AMMECR1: variants seen among roughly 807,000 people sequenced by gnomAD.
AMMECR1 encodes AMMECR nuclear protein 1.
In AMMECR1, 3 loss-of-function variants were observed where a neutral mutation model predicts 22.5. That is an observed-to-expected ratio of 0.13 (90% CI 0.06 to 0.35). The LOEUF is 0.35. Among genes scored for constraint, AMMECR1 ranks in the 10% least tolerant of loss-of-function variants. The pLI is 1.00. For synonymous variants in AMMECR1, 130 were observed against 116.7 expected (o/e 1.11, Z -0.74); for missense variants, 235 against 278.7 (o/e 0.84, Z 1.12).
intron 2 of AMMECR1, among the ~76,000 whole-genome samples, chrX:110,243,067 G>A (rs185685704): frequency 1.3e-3 from 141 of 112,256 alleles, no homozygotes; most frequent in African/African-American, 4.1e-3. Context: ...TGTACCAAAG[G>A]AACCATCTAA....
upstream of AMMECR1, among the ~76,000 whole-genome samples, chrX:110,323,084 T>C (rs1037428015): frequency 1.2e-4 from 13 of 112,155 alleles, no homozygotes; most frequent in African/African-American, 2.9e-4. Flanking sequence ...ATTTCTTTCA[T>C]GCCACTTGAC....
chrX:110,233,048 C>T, intron 2 of AMMECR1, among the ~76,000 whole-genome samples: 1 of 109,570 alleles, frequency 9.1e-6, no homozygotes, highest in Non-Finnish European at 1.9e-5. Flanking sequence ...AATCCAGGAG[C>T]TAGTTTTGTG....
At chrX:110,322,307 CAG>C (rs967897208), upstream of AMMECR1, among the ~76,000 whole-genome samples, 16 of 112,045 alleles carry the variant, frequency 1.4e-4, no homozygotes, top group African/African-American at 4.2e-4. Flanking sequence ...GATGATCAAA[CAG>C]AGTGTTATTT....
At chrX:110,286,528 C>G (rs981889764) in intron 1 of AMMECR1, among the ~76,000 whole-genome samples, 19 of 108,382 alleles carry the variant, frequency 1.8e-4, no homozygotes, top group African/African-American at 6.1e-4. Context: ...AAAAATTAGC[C>G]AGGCATGGTG....
At chrX:110,296,243 C>T (rs1470831480) in intron 1 of AMMECR1, among the ~76,000 whole-genome samples, 2 of 111,938 alleles carry the variant, frequency 1.8e-5, no homozygotes, top group African/African-American at 6.5e-5. Context: ...ACTGCCCTTC[C>T]GACCCAGTTT....
chrX:110,324,290 C>A (rs973686744), intron 2 of AMMECR1, among the ~76,000 whole-genome samples: 1 of 111,864 alleles, frequency 8.9e-6, no homozygotes. Flanking sequence ...AGCCACCACA[C>A]CTGGCCTCAT....
intron 2 of AMMECR1, among the ~76,000 whole-genome samples, chrX:110,414,608 A>G (rs904587535): frequency 8.8e-6 from 1 of 113,045 alleles, no homozygotes; most frequent in Admixed American, 9.3e-5. Flanking sequence ...ACGTGACACA[A>G]TTTGTATGTG....
At chrX:110,220,299 A>G (rs992201513) in intron 2 of AMMECR1, among the ~76,000 whole-genome samples, 12 of 111,878 alleles carry the variant, frequency 1.1e-4, no homozygotes, top group African/African-American at 3.9e-4. Flanking sequence ...CTTACTTGGC[A>G]ATTCTGATCT....
rs779036333 is a variant in AMMECR1 at position 110,296,762 on chromosome X, TTC to T, written c.473+20835_473+20836del. Among the ~76,000 whole-genome samples the T allele has an allele frequency of 7.7e-4, 86 of 111,269 alleles. 1 individual carries two copies. The highest frequency in any genetic ancestry group is 2.8e-3 in the African/African-American group (85 of 30,712). ...ATATTTGCTATTTGGTGAGACATCATTCTCTTACTTTCCTTTAATTCTTTAGC... is the reference window on the plus strand; with the variant it reads ...ATATTTGCTATTTGGTGAGACATCATTCTTACTTTCCTTTAATTCTTTAGC... On this transcript the variant is annotated intron_variant, in intron 1 of 5. Coordinates refer to ENST00000262844, the MANE Select transcript of AMMECR1 (RefSeq NM_015365.3).
At chrX:110,207,730 C>T (rs1224431261) in intron 3 of AMMECR1, among the ~76,000 whole-genome samples, 7 of 111,867 alleles carry the variant, frequency 6.3e-5, no homozygotes, top group Non-Finnish European at 1.3e-4. Context: ...AATGTTGCTG[C>T]GATTCAGCTT....
In AMMECR1 at chrX:110,235,334, G is replaced by A. The variant is rs1182266314; in HGVS notation, c.585-18702C>T. Among the ~76,000 whole-genome samples the A allele has an allele frequency of 2.7e-5, 3 of 112,305 alleles. No individual in the cohort carries two copies. The Admixed American group carries it at 2.8e-4, about 11-fold the overall frequency. ...ATCATTAAAAAGTCAGGAAACAGCA[G>A]ATGCTGGAGACGATGTGGAGAAATA... On this transcript the variant is annotated intron_variant, in intron 2 of 5. Transcript: ENST00000262844.
chrX:110,254,201 C>T (rs747702485), intron 2 of AMMECR1, among the ~76,000 whole-genome samples: 4 of 111,561 alleles, frequency 3.6e-5, no homozygotes, highest in East Asian at 2.8e-4. Context: ...TAGTCTACAT[C>T]GGTACATGTT....
intron 1 of AMMECR1, among the ~76,000 whole-genome samples, chrX:110,272,626 G>C (rs1026000609): frequency 1.8e-5 from 2 of 111,779 alleles, no homozygotes; most frequent in Admixed American, 9.4e-5. Flanking sequence ...AGTGAACATT[G>C]AACTGGATAG....
At chrX:110,244,068 C>T (rs1288107412) in intron 2 of AMMECR1, among the ~76,000 whole-genome samples, 1 of 111,594 alleles carries the variant, frequency 9.0e-6, no homozygotes, top group African/African-American at 3.3e-5. Flanking sequence ...CTCCCCCTGC[C>T]CCATCATCTA....
chrX:110,361,744 GT>G (rs2068265045), intron 2 of AMMECR1, among the ~76,000 whole-genome samples: 1 of 112,085 alleles, frequency 8.9e-6, no homozygotes, highest in African/African-American at 3.2e-5. Context: ...GATGTTATAT[GT>G]TTATCTATTT....
At chrX:110,338,517 C>T (rs2068149443) in intron 2 of AMMECR1, among the ~76,000 whole-genome samples, 1 of 112,133 alleles carries the variant, frequency 8.9e-6, no homozygotes, top group African/African-American at 3.2e-5. Context: ...TGCTTATGAT[C>T]AGCCGTTTTT....
intron 1 of AMMECR1, among the ~76,000 whole-genome samples, chrX:110,299,782 T>G (rs1350216095): frequency 8.9e-6 from 1 of 112,274 alleles, no homozygotes; most frequent in Admixed American, 9.4e-5. Context: ...ACATAAAAAG[T>G]GAGATCATAC....
intron 1 of AMMECR1, among the ~76,000 whole-genome samples, chrX:110,303,394 AAATGAAGTTG>A (rs751967812): frequency 1.1e-3 from 122 of 112,137 alleles, no homozygotes; most frequent in African/African-American, 3.9e-3. Context: ...AGTCTGTGAA[AAATGAAGTTG>A]AAATCTAAAT....
intron 3 of AMMECR1, among the ~76,000 whole-genome samples, chrX:110,205,253 G>A (rs1035244515): frequency 5.4e-5 from 6 of 111,902 alleles, no homozygotes; most frequent in Non-Finnish European, 1.1e-4. Context: ...AACATGGCCT[G>A]CTGTGGAGAA....
Sources: gnomAD v4.1 joint callset for allele counts (sites outside exome capture counted in the v4.1 genomes callset) on GRCh38, gnomAD v4.1.1 for gene constraint, MANE v1.5 for transcripts, NCBI Gene and HGNC (gene_info 2026-07-23, HGNC 2026-07-21) for gene names.